Variants in NBAS observed in about 807,000 individuals in gnomAD.
NBAS encodes NBAS subunit of NRZ tethering complex, also known as NAG/BC035112 fusion.
Under a neutral mutation model 302.5 loss-of-function variants are expected in NBAS, and 219 were observed. That is an observed-to-expected ratio of 0.72 (90% confidence interval 0.65 to 0.81). The LOEUF (loss-of-function observed/expected upper bound fraction) is 0.81. NBAS is among the 30% of genes least tolerant of loss of function. The probability of loss-of-function intolerance (pLI) is 0.00; values close to 1 mark genes in which losing one functional copy is unlikely to be tolerated. For missense variants in NBAS, 2,932 were observed against 2,841.6 expected (o/e 1.03, Z -0.72); for synonymous variants, 1,118 against 1,021.6 (o/e 1.09, Z -1.80).
intron 48 of NBAS, among the ~76,000 whole-genome samples, chr2:15,203,876 GTGTGTGTGTGTGCT>G (rs60401999): frequency 1.1e-3 from 146 of 132,078 alleles, no homozygotes; most frequent in East Asian, 2.1e-3. Context: ...GTGTCTGTGT[GTGTGTGTGTGTGCT>G]TGTGTGTGTG....
the NBAS span, among the ~76,000 whole-genome samples, chr2:15,133,385 T>C: frequency 6.6e-6 from 1 of 152,178 alleles, no homozygotes; most frequent in Non-Finnish European, 1.5e-5. Flanking sequence ...TGAGATGGTC[T>C]TAGAGATGAA....
chr2:15,058,103 A>T, the NBAS span, among the ~76,000 whole-genome samples: 1 of 152,234 alleles, frequency 6.6e-6, no homozygotes, highest in Non-Finnish European at 1.5e-5. Context: ...GTATCTTCCC[A>T]AAGGAAAAGA....
At chr2:15,060,870 C>T in the NBAS span, among the ~76,000 whole-genome samples, 1 of 152,138 alleles carries the variant, frequency 6.6e-6, no homozygotes, top group Non-Finnish European at 1.5e-5. Context: ...AGCCTCACTG[C>T]CCCGACTTCC....
At chr2:15,560,817 G>A (rs1664875229) in intron 1 of NBAS, among the ~76,000 whole-genome samples, 1 of 152,122 alleles carries the variant, frequency 6.6e-6, no homozygotes, top group Non-Finnish European at 1.5e-5. Flanking sequence ...GGTCCAGATA[G>A]GAGAAAGGAC....
At chr2:15,160,600 G>C in the NBAS span, among the ~76,000 whole-genome samples, 1 of 131,012 alleles carries the variant, frequency 7.6e-6, no homozygotes, top group East Asian at 2.7e-4. Flanking sequence ...GGAGGGGGGG[G>C]GGCAGGAGGC....
the NBAS span, among the ~76,000 whole-genome samples, chr2:14,913,652 C>T: frequency 6.6e-6 from 1 of 152,110 alleles, no homozygotes; most frequent in Non-Finnish European, 1.5e-5. Context: ...GGAAAGATAA[C>T]CTGGCAGCCA....
chr2:15,247,151 C>T (rs757589065), intron 44 of NBAS, among the ~76,000 whole-genome samples: 1 of 152,120 alleles, frequency 6.6e-6, no homozygotes, highest in Admixed American at 6.5e-5. Flanking sequence ...AGAATGAAAG[C>T]GTTACGGGAA....
In NBAS at chr2:15,452,648, G is replaced by A. The variant is rs994271003; in HGVS notation, c.2339+8553C>T. ...GTCCTAATGGTCCCTATGCTCAACT[G>A]AGTCAACAAGATATAAAGATATAAA... On this transcript the variant is annotated intron_variant, in intron 21 of 51. Coordinates refer to ENST00000281513, the MANE Select transcript of NBAS (RefSeq NM_015909.4). Among the ~76,000 whole-genome samples, 3 of 151,434 alleles carry A rather than the reference G, an allele frequency of 2.0e-5. No individual in the cohort carries two copies. The East Asian group carries it at 5.8e-4, about 29-fold the overall frequency.
intron 12 of NBAS, among the ~76,000 whole-genome samples, chr2:15,481,905 G>A (rs770905020): frequency 1.8e-4 from 27 of 152,016 alleles, no homozygotes; most frequent in Non-Finnish European, 3.2e-4. Context: ...TAAAAACATC[G>A]CTCTCTCCCT....
Position 15,353,711 on chromosome 2 carries a change from C to A in NBAS, c.3932-1G>T. Reference sequence around the variant, plus strand: ...CAAACATCCCAACTTTTAGGATAACCTGCAAAATTGGCAAGGAAAAAAATG... The same window carrying A: ...CAAACATCCCAACTTTTAGGATAACATGCAAAATTGGCAAGGAAAAAAATG... On this transcript the variant is annotated splice_acceptor_variant, in intron 33 of 51. Coordinates refer to ENST00000281513, the MANE Select transcript of NBAS (RefSeq NM_015909.4). LOFTEE classifies it high-confidence loss of function. 1 of 1,613,922 alleles carries A rather than the reference C, an allele frequency of 6.2e-7. No individual in the cohort carries two copies. Among genetic ancestry groups the A allele is most frequent in the Non-Finnish European group, 8.5e-7 (1 of 1,179,920 alleles).
At chr2:15,063,009 G>C in the NBAS span, among the ~76,000 whole-genome samples, 1 of 152,140 alleles carries the variant, frequency 6.6e-6, no homozygotes, top group Non-Finnish European at 1.5e-5. Context: ...GCTTGTTGGG[G>C]ATTCAGCTGT....
the NBAS span, among the ~76,000 whole-genome samples, chr2:15,092,994 G>T: frequency 1.3e-5 from 2 of 152,206 alleles, no homozygotes; most frequent in African/African-American, 4.8e-5. Context: ...GGGGGTTAAA[G>T]TTACTTAAAC....
At chr2:14,948,217 C>A in the NBAS span, among the ~76,000 whole-genome samples, 18 of 152,112 alleles carry the variant, frequency 1.2e-4, no homozygotes, top group Non-Finnish European at 1.3e-4. Flanking sequence ...ATGCTGGTAT[C>A]TCACCACATG....
chr2:14,936,417 C>A, the NBAS span, among the ~76,000 whole-genome samples: 5 of 152,158 alleles, frequency 3.3e-5, no homozygotes, highest in Admixed American at 1.3e-4. Context: ...TGTTAAGGTA[C>A]CTTCTGGCCT....
chr2:14,793,929 T>C, the NBAS span, among the ~76,000 whole-genome samples: 1 of 152,136 alleles, frequency 6.6e-6, no homozygotes, highest in South Asian at 2.1e-4. Context: ...AAAAAAATGC[T>C]AACTGTGATC....
chr2:15,147,110 T>G, the NBAS span, among the ~76,000 whole-genome samples: 3 of 152,136 alleles, frequency 2.0e-5, no homozygotes, highest in Admixed American at 2.0e-4. Context: ...GGAAACCAAC[T>G]GTTCTGGGTA....
chr2:14,890,128 T>C, the NBAS span, among the ~76,000 whole-genome samples: 5,785 of 152,276 alleles, frequency 0.038, 137 homozygotes, highest in Non-Finnish European at 0.051. Context: ...AGACCTACTG[T>C]TTGTAAATGC....
the NBAS span, among the ~76,000 whole-genome samples, chr2:14,913,556 T>C: frequency 4.7e-5 from 7 of 147,718 alleles, no homozygotes; most frequent in South Asian, 1.5e-3. Flanking sequence ...CTAAACTAAC[T>C]GAGATATTTC....
intron 47 of NBAS, among the ~76,000 whole-genome samples, chr2:15,219,321 CTTTT>C (rs1356182596): frequency 7.0e-6 from 1 of 142,344 alleles, no homozygotes; most frequent in African/African-American, 2.6e-5. Flanking sequence ...TTTTTCTTTT[CTTTT>C]TTTTTAATTT....
Sources: allele counts gnomAD v4.1 joint callset (sites outside exome capture counted in the v4.1 genomes callset), GRCh38; gene constraint gnomAD v4.1.1; transcripts MANE v1.5; gene names NCBI Gene and HGNC (gene_info 2026-07-23, HGNC 2026-07-21).